DLG2: variants seen among roughly 807,000 people sequenced by gnomAD.
DLG2 encodes disks large homolog 2.
A neutral mutation model predicts 132.5 loss-of-function variants in DLG2; 45 were observed. The observed-to-expected ratio is 0.34, with a 90% CI of 0.27 to 0.44. DLG2 has a LOEUF of 0.44. DLG2 is among the 20% of genes least tolerant of loss of function. The pLI is 1.00. For missense variants in DLG2, 1,045 were observed against 1,196.9 expected (o/e 0.87, Z 1.87); for synonymous variants, 424 against 419.6 (o/e 1.01, Z -0.13).
chr11:84,155,682 T>C (rs1452938722), intron 9 of DLG2, among the ~76,000 whole-genome samples: 1 of 152,024 alleles, frequency 6.6e-6, no homozygotes, highest in Non-Finnish European at 1.5e-5. Context: ...CCAACACCTT[T>C]AACCAAAACC....
intron 5 of DLG2, among the ~76,000 whole-genome samples, chr11:85,117,738 A>C (rs1043456912): frequency 6.6e-6 from 1 of 151,964 alleles, no homozygotes; most frequent in Admixed American, 6.6e-5. Flanking sequence ...CCCACAGTGG[A>C]AAAAAGAGAA....
intron 6 of DLG2, among the ~76,000 whole-genome samples, chr11:84,897,385 T>C (rs2090346435): frequency 6.6e-6 from 1 of 151,902 alleles, no homozygotes; most frequent in African/African-American, 2.4e-5. Context: ...ATAAGCAATA[T>C]AGCTTAAGCA....
At chr11:83,804,271 T>C (rs2045314971) in intron 17 of DLG2, among the ~76,000 whole-genome samples, 1 of 152,090 alleles carries the variant, frequency 6.6e-6, no homozygotes, top group Non-Finnish European at 1.5e-5. Flanking sequence ...CAGAGATGCA[T>C]GAAAATCAAC....
At chr11:84,639,854 G>C (rs1212752796) in intron 6 of DLG2, 1 of 173,848 alleles carries the variant, frequency 5.8e-6, no homozygotes, top group Non-Finnish European at 1.2e-5. Context: ...ACCTGTCTGA[G>C]TAGGCTTCCT....
intron 6 of DLG2, among the ~76,000 whole-genome samples, chr11:84,645,321 T>A (rs1442897041): frequency 6.6e-6 from 1 of 152,178 alleles, no homozygotes; most frequent in East Asian, 1.9e-4. Flanking sequence ...TATCAATATC[T>A]GATATATAAA....
chr11:85,487,781 G>A (rs985185729), intron 3 of DLG2, among the ~76,000 whole-genome samples: 2 of 152,172 alleles, frequency 1.3e-5, no homozygotes, highest in African/African-American at 4.8e-5. Context: ...AGTCTAGCAA[G>A]ACATTTAGAC....
chr11:85,025,577 A>G (rs2060446197), intron 6 of DLG2, among the ~76,000 whole-genome samples: 1 of 152,242 alleles, frequency 6.6e-6, no homozygotes, highest in South Asian at 2.1e-4. Context: ...TATAATTAAA[A>G]TGCCTATCAT....
intron 3 of DLG2, among the ~76,000 whole-genome samples, chr11:85,496,441 G>A (rs774214860): frequency 1.3e-5 from 2 of 152,184 alleles, no homozygotes; most frequent in Non-Finnish European, 2.9e-5. Flanking sequence ...GAAGCCCACT[G>A]CAGCTCATCA....
chr11:84,051,809 CATA>C (rs1208820325), intron 11 of DLG2, among the ~76,000 whole-genome samples: 2 of 151,316 alleles, frequency 1.3e-5, no homozygotes, highest in Non-Finnish European at 3.0e-5. Context: ...ACAGGAACAC[CATA>C]ATAATGGCAG....
intron 7 of DLG2, among the ~76,000 whole-genome samples, chr11:84,497,407 C>T (rs558373776): frequency 3.4e-4 from 51 of 152,206 alleles, no homozygotes; most frequent in African/African-American, 1.2e-3. Flanking sequence ...CCTATAGTCC[C>T]AGAGTTGGGA....
At chr11:83,542,351 C>T (rs2096098586) in intron 19 of DLG2, among the ~76,000 whole-genome samples, 1 of 152,128 alleles carries the variant, frequency 6.6e-6, no homozygotes, top group East Asian at 1.9e-4. Flanking sequence ...AACAAATGTC[C>T]ACCCATAGTA....
chr11:83,937,246 G>A (rs1294085390), intron 14 of DLG2, among the ~76,000 whole-genome samples: 4 of 152,140 alleles, frequency 2.6e-5, no homozygotes, highest in Non-Finnish European at 5.9e-5. Context: ...GGTGGCTCAT[G>A]CCTGTAATCC....
chr11:85,408,441 A>G (rs1050197323), intron 3 of DLG2, among the ~76,000 whole-genome samples: 3 of 151,336 alleles, frequency 2.0e-5, no homozygotes, highest in Non-Finnish European at 4.4e-5. Flanking sequence ...ACATGTGCAC[A>G]ATGTGCTGGT....
rs555170118 is a variant in DLG2, at chr11:84,385,798, G to A, written c.520-134507C>T. Among the ~76,000 whole-genome samples the A allele has an allele frequency of 1.2e-3, 179 of 152,186 alleles. 7 individuals are homozygous for A. The South Asian group carries it at 0.035, about 30-fold the overall frequency. ...TAAGACTTGCAAATAGTAATTGCTC[G>A]ATAAATCTTAAATGAACAATAAAGA... On this transcript the variant is annotated intron_variant, in intron 7 of 27. Transcript: ENST00000376104.
intron 7 of DLG2, among the ~76,000 whole-genome samples, chr11:84,502,549 C>T (rs1254802374): frequency 1.3e-5 from 2 of 151,028 alleles, no homozygotes; most frequent in Non-Finnish European, 2.9e-5. Context: ...GGTCCCGCCA[C>T]CATACCTGGC....
In DLG2 at chr11:83,797,466, T is replaced by A. The variant is rs542832594; in HGVS notation, c.1723-10674A>T. Among the ~76,000 whole-genome samples, 29 of 152,234 alleles carry A rather than the reference T, an allele frequency of 1.9e-4. 1 individual carries two copies. In the South Asian group the frequency reaches 5.2e-3, roughly 27 times the overall value. On this transcript the variant is annotated intron_variant, in intron 17 of 27. Transcript: ENST00000376104. ...TGCTAACATATGACAAAGTCAGGAA[T>A]GAAACCCAGGCAGTGTGGTTTAAGT...
intron 7 of DLG2, among the ~76,000 whole-genome samples, chr11:84,511,997 T>C (rs978731265): frequency 6.6e-6 from 1 of 152,148 alleles, no homozygotes; most frequent in African/African-American, 2.4e-5. Flanking sequence ...GTCACATACC[T>C]AGCAAACAAC....
At chr11:84,327,590 T>C (rs531909888) in intron 7 of DLG2, among the ~76,000 whole-genome samples, 20 of 152,318 alleles carry the variant, frequency 1.3e-4, no homozygotes, top group African/African-American at 3.8e-4. Context: ...ATATCTTCTA[T>C]AGCTATAGTT....
intron 8 of DLG2, among the ~76,000 whole-genome samples, chr11:84,185,671 C>T (rs891130664): frequency 6.6e-6 from 1 of 152,108 alleles, no homozygotes; most frequent in Non-Finnish European, 1.5e-5. Flanking sequence ...GGAATGCTTC[C>T]AGTTTTTGCC....
Sources: allele counts gnomAD v4.1 joint callset (sites outside exome capture counted in the v4.1 genomes callset), GRCh38; gene constraint gnomAD v4.1.1; transcripts MANE v1.5; gene names NCBI Gene and HGNC (gene_info 2026-07-23, HGNC 2026-07-21).